PTPRD: variants seen among roughly 807,000 people sequenced by gnomAD.
PTPRD encodes protein tyrosine phosphatase receptor type D, also known as receptor-type tyrosine-protein phosphatase delta.
Under a neutral mutation model 214.5 loss-of-function variants are expected in PTPRD, and 34 were observed. The observed-to-expected ratio is 0.16, with a 90% CI of 0.12 to 0.21. The LOEUF (loss-of-function observed/expected upper bound fraction) is 0.21, where lower values mean the gene tolerates loss of function less well. PTPRD is among the 10% of genes least tolerant of loss of function. The pLI, the probability that PTPRD is intolerant of heterozygous loss-of-function variation, is 1.00. For synonymous variants in PTPRD, 1,128 were observed against 845.7 expected, an observed-to-expected ratio of 1.33 and a Z score of -5.79; for missense variants, 2,545 against 2,398.7, an observed-to-expected ratio of 1.06 and a Z score of -1.27.
At chr9:9,749,007 C>T (rs2098486157) in intron 6 of PTPRD, among the ~76,000 whole-genome samples, 1 of 145,984 alleles carries the variant, frequency 6.9e-6, no homozygotes, top group South Asian at 2.2e-4. Flanking sequence ...GAACCAATAC[C>T]TGCAGGATGT....
intron 3 of PTPRD, among the ~76,000 whole-genome samples, chr9:10,121,117 A>G (rs1563944819): frequency 2.0e-5 from 3 of 152,138 alleles, no homozygotes; most frequent in Non-Finnish European, 4.4e-5. Flanking sequence ...AATATTCTTT[A>G]AACTTGATTA....
chr9:8,940,280 C>CCTTTGTTTTTTTTT (rs763715400), intron 11 of PTPRD, among the ~76,000 whole-genome samples: 19 of 89,004 alleles, frequency 2.1e-4, no homozygotes, highest in South Asian at 8.7e-4. Context: ...TCTCTCTCTC[C>CCTTTGTTTTTTTTT]TTTTTTTTTT....
At chr9:9,941,139 C>T (rs1300363688) in intron 4 of PTPRD, among the ~76,000 whole-genome samples, 1 of 152,162 alleles carries the variant, frequency 6.6e-6, no homozygotes, top group Non-Finnish European at 1.5e-5. Context: ...TGTTGGGCTA[C>T]ATTCAAAGCC....
intron 2 of PTPRD, among the ~76,000 whole-genome samples, chr9:10,365,935 G>C (rs1417372511): frequency 6.6e-6 from 1 of 152,086 alleles, no homozygotes; most frequent in Non-Finnish European, 1.5e-5. Context: ...CCTCTACTCT[G>C]TTTCCATAGT....
chr9:9,800,165 C>G (rs927354814), intron 5 of PTPRD, among the ~76,000 whole-genome samples: 1 of 152,024 alleles, frequency 6.6e-6, no homozygotes, highest in African/African-American at 2.4e-5. Flanking sequence ...TCTTAATGCC[C>G]ATTTGTTTTA....
chr9:8,426,041 G>C (rs1202937013), intron 35 of PTPRD, among the ~76,000 whole-genome samples: 1 of 152,054 alleles, frequency 6.6e-6, no homozygotes, highest in Non-Finnish European at 1.5e-5. Flanking sequence ...GGAAGAATGA[G>C]AAGAGAATGT....
At chr9:10,025,987 T>A (rs752762304) in intron 4 of PTPRD, among the ~76,000 whole-genome samples, 9 of 152,162 alleles carry the variant, frequency 5.9e-5, no homozygotes, top group Non-Finnish European at 1.0e-4. Flanking sequence ...TCAGGATACT[T>A]CAAGGCTAAG....
At chr9:10,148,215 C>T (rs1215607670) in intron 3 of PTPRD, among the ~76,000 whole-genome samples, 1 of 152,122 alleles carries the variant, frequency 6.6e-6, no homozygotes, top group East Asian at 1.9e-4. Flanking sequence ...TTCTTAGTAG[C>T]TTTCCGGGAA....
chr9:8,710,084 T>C (rs1252103886), intron 12 of PTPRD, among the ~76,000 whole-genome samples: 1 of 152,196 alleles, frequency 6.6e-6, no homozygotes. Flanking sequence ...TATTAAATAA[T>C]CTGCGTGAAG....
At chr9:8,444,611 C>T (rs185698840) in intron 34 of PTPRD, among the ~76,000 whole-genome samples, 19 of 151,944 alleles carry the variant, frequency 1.3e-4, no homozygotes, top group Non-Finnish European at 2.4e-4. Context: ...GACCGTTTCC[C>T]ACCATATAAT....
intron 3 of PTPRD, among the ~76,000 whole-genome samples, chr9:10,034,555 C>T (rs1336051246): frequency 6.6e-6 from 1 of 151,280 alleles, no homozygotes; most frequent in Admixed American, 6.6e-5. Context: ...AGTTATTTTT[C>T]ATGATCCTCT....
intron 7 of PTPRD, among the ~76,000 whole-genome samples, chr9:9,712,293 G>C (rs939210874): frequency 6.6e-6 from 1 of 152,044 alleles, no homozygotes; most frequent in African/African-American, 2.4e-5. Flanking sequence ...TAAGCACAAA[G>C]AAATAAAATT....
At chr9:10,472,493 T>G (rs1259018154) in intron 2 of PTPRD, among the ~76,000 whole-genome samples, 1 of 152,246 alleles carries the variant, frequency 6.6e-6, no homozygotes, top group African/African-American at 2.4e-5. Flanking sequence ...GTTGGAGTAG[T>G]TGGGGACTGG....
chr9:10,604,145 C>G (rs2078677480), intron 2 of PTPRD, among the ~76,000 whole-genome samples: 2 of 146,542 alleles, frequency 1.4e-5, no homozygotes, highest in South Asian at 4.5e-4. Context: ...GAAAGAAAAG[C>G]CTGCCATGGT....
intron 9 of PTPRD, among the ~76,000 whole-genome samples, chr9:9,327,384 T>C (rs1264924895): frequency 3.3e-5 from 5 of 152,170 alleles, no homozygotes; most frequent in Non-Finnish European, 5.9e-5. Context: ...GAAACAGTTA[T>C]TTGACCTTTG....
chr9:8,489,613 A>G (rs959414816), intron 27 of PTPRD, among the ~76,000 whole-genome samples: 2 of 152,192 alleles, frequency 1.3e-5, no homozygotes, highest in Non-Finnish European at 2.9e-5. Flanking sequence ...CGATGCCTAA[A>G]ATTTCCATAA....
intron 2 of PTPRD, among the ~76,000 whole-genome samples, chr9:10,421,000 C>T (rs76160745): frequency 0.042 from 6,448 of 151,810 alleles, 200 homozygotes; most frequent in East Asian, 0.09. Context: ...CTTCCCTGGG[C>T]CACATTGGAA....
At chr9:8,902,118 T>C (rs2098673899) in intron 11 of PTPRD, among the ~76,000 whole-genome samples, 1 of 145,644 alleles carries the variant, frequency 6.9e-6, no homozygotes, top group Non-Finnish European at 1.5e-5. Context: ...TCATATACTA[T>C]GCACATATTG....
chr9:9,832,934 T>C (rs959194128), intron 5 of PTPRD, among the ~76,000 whole-genome samples: 12 of 151,944 alleles, frequency 7.9e-5, no homozygotes, highest in Non-Finnish European at 1.2e-4. Context: ...AAAGTCCTTA[T>C]TGTTTTAGAA....
Sources: gnomAD v4.1 joint callset for allele counts (sites outside exome capture counted in the v4.1 genomes callset) on GRCh38, gnomAD v4.1.1 for gene constraint, MANE v1.5 for transcripts, NCBI Gene and HGNC (gene_info 2026-07-23, HGNC 2026-07-21) for gene names.